Variants in ALDH3A1 observed in about 807,000 individuals in gnomAD.
The protein encoded by ALDH3A1 is aldehyde dehydrogenase, dimeric NADP-preferring.
Under a neutral mutation model 49.9 loss-of-function variants are expected in ALDH3A1, and 46 were observed. That is an observed-to-expected ratio of 0.92 (90% CI 0.73 to 1.18). The LOEUF is 1.18. Ranked by LOEUF, ALDH3A1 falls within the 50% of genes most tolerant of loss-of-function variation. The probability of loss-of-function intolerance (pLI) is 0.00; values close to 1 mark genes in which losing one functional copy is unlikely to be tolerated. For synonymous variants in ALDH3A1, 269 were observed against 253.3 expected, an observed-to-expected ratio of 1.06 and a Z score of -0.59; for missense variants, 592 against 611.8, an observed-to-expected ratio of 0.97 and a Z score of 0.34.
intron 3 of ALDH3A1, chr17:19,742,922 G>A (rs1010291863): frequency 7.2e-6 from 11 of 1,525,460 alleles, no homozygotes; most frequent in Middle Eastern, 1.7e-4. Flanking sequence ...GGCCCGGTTG[G>A]TAGAACAGCG....
Position 19,743,957 on chromosome 17 carries a change from G to T in ALDH3A1, c.163-494C>A, listed in dbSNP as rs1192322238. 5.1e-6 allele frequency: 5 copies of T among 985,372 alleles called. No individual in the cohort carries two copies. Among genetic ancestry groups the T allele is most frequent in the Admixed American group, 6.1e-5 (1 of 16,288 alleles). The allele number at this position is 985,372 out of a possible 1,614,324, so 61.0% of individuals were successfully genotyped here. On this transcript the variant is annotated intron_variant, in intron 2 of 10. Transcript: ENST00000225740. This position sits in a 1 kb window ranked among gnomAD's most constrained non-coding sequence, Gnocchi z 4.4. ...TCAGGGCCTCCTGTGGGGAGCAGGG[G>T]TGAGAAGAGGAGATGCAGACGGCGG... is the stretch of plus-strand genomic sequence containing the variant.
At chr17:19,744,823 G>A (rs1276411221) in intron 2 of ALDH3A1, 145 bp downstream of exon 2, 2 of 1,348,854 alleles carry the variant, frequency 1.5e-6, no homozygotes, top group Non-Finnish European at 1.9e-6. Flanking sequence ...AGGGGAGGGC[G>A]GTGCGCCCAG....
Position 19,743,877 on chromosome 17 carries a change from A to G in ALDH3A1, c.163-414T>C. The G allele has an allele frequency of 4.1e-6, 4 of 983,652 alleles. No homozygotes were observed. The highest frequency in any genetic ancestry group is 4.8e-6 in the Non-Finnish European group (4 of 829,572). The allele number at this position is 983,652 out of a possible 1,614,324, so 60.9% of individuals were successfully genotyped here. On this transcript the variant is annotated intron_variant, in intron 2 of 10. Coordinates refer to ENST00000225740, the MANE Select transcript of ALDH3A1 (RefSeq NM_000691.5). The surrounding 1 kb of genome is among the most constrained non-coding windows in gnomAD (Gnocchi z 4.4). ...AGCTGGATCCGGGCAGGGTGGAGGGAGCCAGGCCCTTTAGTTGTCTGGAGG... is the reference window on the plus strand; with the variant it reads ...AGCTGGATCCGGGCAGGGTGGAGGGGGCCAGGCCCTTTAGTTGTCTGGAGG...
In ALDH3A1 at chr17:19,741,696, C is replaced by T. The variant is rs78316825; in HGVS notation, c.689+308G>A. On this transcript the variant is annotated intron_variant, in intron 5 of 10. Coordinates refer to ENST00000225740, the MANE Select transcript of ALDH3A1 (RefSeq NM_000691.5). ...CTGAACCCAGTACAGTTCCTTGTGT[C>T]CTGAACGTCCCACAGCTGCTTTTTC... 2.5e-3 allele frequency among the ~76,000 whole-genome samples: 375 copies of T among 152,276 alleles called. 16 individuals carry two copies. In the East Asian group the frequency reaches 0.06, roughly 25 times the overall value.
At position 19,743,582 on chromosome 17, in the gene ALDH3A1, G is replaced by A. The variant is rs2086543619; in HGVS notation, c.163-119C>T. 2.0e-6 allele frequency: 3 copies of A among 1,470,552 alleles called. No homozygotes were observed. 91.1% of individuals were successfully genotyped at this position (1,470,552 alleles called of 1,614,324 possible). On this transcript the variant is annotated intron_variant, in intron 2 of 10. Transcript: ENST00000225740. The surrounding 1 kb of genome is among the most constrained non-coding windows in gnomAD (Gnocchi z 4.4). ...GGGGGTCACTCACCCAGCCCAGGGT[G>A]GGGGCAGCCGCAGAAGGCTCCCAGG... is the stretch of plus-strand genomic sequence containing the variant.
chr17:19,746,670 T>C (rs1202403702), intron 1 of ALDH3A1, among the ~76,000 whole-genome samples: 3 of 144,722 alleles, frequency 2.1e-5, no homozygotes, highest in Non-Finnish European at 4.5e-5. Context: ...TGTGTGTGCG[T>C]GTGTGTGCAT....
chr17:19,740,110 G>A (rs2086462676), intron 7 of ALDH3A1: 4 of 546,388 alleles, frequency 7.3e-6, no homozygotes, highest in Non-Finnish European at 9.5e-6. Flanking sequence ...AGGGAGATGA[G>A]GCCCCTCTTT....
rs1418614126 is a variant in ALDH3A1 at position 19,745,005 on chromosome 17, T to C, written c.125A>G (p.Gln42Arg). 3 of 1,550,048 alleles carry C rather than the reference T, an allele frequency of 1.9e-6. No homozygotes were observed. The highest frequency in any genetic ancestry group is 4.9e-5 in the East Asian group (2 of 40,940). ...TGCGGCCAGCGCGCCCACCAGCTCC[T>C]GCTCCTGCTCCTGGATCAGGCGCTG... ...ALQRLIQEQE[Q>R]ELVGALAADL... The change falls in exon 2 of 11, where the codon CAG becomes CGG. Residue 42 changes from glutamine to arginine, a missense_variant. Gln to Arg is a conservative substitution (Grantham distance 43). Coordinates refer to ENST00000225740, the MANE Select transcript of ALDH3A1 (RefSeq NM_000691.5).
At chr17:19,744,276 G>C (rs1325953138) in intron 2 of ALDH3A1, 1 of 631,384 alleles carries the variant, frequency 1.6e-6, no homozygotes, top group South Asian at 7.1e-5. Context: ...GGTGGTACAC[G>C]CCTGTTGTCC....
intron 8 of ALDH3A1, 132 bp from the exon 9 acceptor site, chr17:19,739,227 C>A: frequency 1.2e-6 from 1 of 867,138 alleles, no homozygotes. Context: ...TAGCCTCCAT[C>A]TCCTGCTCTT....
chr17:19,742,388 C>A (rs1479891219), intron 4 of ALDH3A1, among the ~76,000 whole-genome samples, 157 bp downstream of exon 4: 1 of 152,158 alleles, frequency 6.6e-6, no homozygotes, highest in Non-Finnish European at 1.5e-5. Flanking sequence ...GGGCTCTGTT[C>A]ACCCCAATGA....
rs3786035 is a variant in ALDH3A1, at chr17:19,744,163, C to T, written c.163-700G>A. ...CTGTAATCCCAGCACTCTGAGAGGC[C>T]GAGAACTCCTCCTGAGGAACTCCTG... On this transcript the variant is annotated intron_variant, in intron 2 of 10. Transcript: ENST00000225740. 7.7e-4 allele frequency: 753 copies of T among 974,192 alleles called. 24 individuals are homozygous for T. The East Asian group carries it at 0.058, about 75-fold the overall frequency. 60.3% of individuals were successfully genotyped at this position (974,192 alleles called of 1,614,324 possible). A position where few individuals can be genotyped will look rare whatever the true frequency, so the allele number is the denominator to read the frequency against.
chr17:19,740,521 C>T lies in ALDH3A1; in HGVS notation c.808-44G>A, dbSNP rs777718532. The T allele has an allele frequency of 2.0e-5, 32 of 1,606,396 alleles. No individual in the cohort carries two copies. In the Admixed American group the frequency reaches 2.7e-4, roughly 13 times the overall value. The stretch of plus-strand genomic sequence containing the variant: ...GGCTTCGGGTAAGGACGCAGAGCCT[C>T]GTCCTGCCCAAAGGCTGCACAGACA... On this transcript the variant is annotated intron_variant, in intron 6 of 10. Transcript: ENST00000225740.
intron 2 of ALDH3A1, chr17:19,744,322 G>C (rs2086557787): frequency 1.3e-6 from 1 of 794,610 alleles, no homozygotes; most frequent in South Asian, 5.7e-5. Context: ...AGAATTGCCT[G>C]AACCCGGGAG....
intron 9 of ALDH3A1, chr17:19,738,672 GT>G: frequency 3.0e-6 from 2 of 668,086 alleles, no homozygotes; most frequent in Non-Finnish European, 5.0e-6. Context: ...TGTCTAGGGT[GT>G]CCCCAGGGCA....
rs980174380 is a variant in ALDH3A1 at position 19,743,966 on chromosome 17, G to A, written c.163-503C>T. 1.0e-5 allele frequency: 10 copies of A among 985,264 alleles called. No individual in the cohort carries two copies. The African/African-American group carries it at 1.2e-4, about 12-fold the overall frequency. 61.0% of individuals were successfully genotyped at this position (985,264 alleles called of 1,614,324 possible). ...CCTGTGGGGAGCAGGGGTGAGAAGA[G>A]GAGATGCAGACGGCGGAAAACGCGT... On this transcript the variant is annotated intron_variant, in intron 2 of 10. Coordinates refer to ENST00000225740, the MANE Select transcript of ALDH3A1 (RefSeq NM_000691.5). This position sits in a 1 kb window ranked among gnomAD's most constrained non-coding sequence, Gnocchi z 4.4.
At chr17:19,744,539 T>G in intron 2 of ALDH3A1, 1 of 985,396 alleles carries the variant, frequency 1.0e-6, no homozygotes. Flanking sequence ...AGGTGTCTGG[T>G]CTTGCTCAGG....
intron 2 of ALDH3A1, 67 bp downstream of exon 2, chr17:19,744,901 G>GCT (rs1555546868): frequency 4.6e-6 from 2 of 437,682 alleles, no homozygotes; most frequent in African/African-American, 3.3e-5. Context: ...ACTCTCCCCA[G>GCT]CCCCTCCCCC....
intron 7 of ALDH3A1, 114 bp downstream of exon 7, chr17:19,740,222 A>G: frequency 6.9e-7 from 1 of 1,444,094 alleles, no homozygotes; most frequent in Non-Finnish European, 9.4e-7. Context: ...AAAGCAATTT[A>G]TACCCATCCC....
Sources: allele counts gnomAD v4.1 joint callset (sites outside exome capture counted in the v4.1 genomes callset), GRCh38; gene constraint gnomAD v4.1.1; non-coding constraint Gnocchi (gnomAD v3.1); transcripts MANE v1.5; gene names NCBI Gene and HGNC (gene_info 2026-07-23, HGNC 2026-07-21).